The following CACNA1F variants were observed in gnomAD, a reference collection of about 807,000 sequenced individuals.
The protein encoded by CACNA1F is voltage-dependent L-type calcium channel subunit alpha-1F.
CACNA1F carries 59 observed loss-of-function variants against 143.8 expected under a neutral mutation model. The ratio of observed to expected loss-of-function variants is 0.41; its 90% confidence interval spans 0.33 to 0.51. The LOEUF (loss-of-function observed/expected upper bound fraction) is 0.51. Among genes scored for constraint, CACNA1F ranks in the 20% least tolerant of loss-of-function variants. CACNA1F has a pLI of 0.22. For synonymous variants in CACNA1F, 643 were observed against 649.1 expected, an observed-to-expected ratio of 0.99 and a Z score of 0.14; for missense variants, 1,411 against 1,647.5, an observed-to-expected ratio of 0.86 and a Z score of 2.48.
rs782734370 is a variant in CACNA1F, at chrX:49,219,380, G to A, written c.2614C>T (p.Leu872Phe). The stretch of plus-strand genomic sequence containing the variant: ...TCAGCGGCCAGGGACACACTGCTGA[G>A]GATGATGAACACCAGGATAAGATTG... ...FTNLILVFIILSSVSLAAEDP... is the reference protein window; with the variant it reads ...FTNLILVFIIFSSVSLAAEDP... Residue 872 changes from leucine (L) to phenylalanine (F), a missense_variant, in exon 21 of 48, where the codon CTC becomes TTC. By Grantham distance (22) the Leu-to-Phe change is conservative. Coordinates refer to ENST00000323022, the MANE Select transcript of CACNA1F (RefSeq NM_001256789.3). 4 of 1,208,767 alleles carry A rather than the reference G, an allele frequency of 3.3e-6. No homozygotes were observed. Among genetic ancestry groups the A allele is most frequent in the African/African-American group, 1.7e-5 (1 of 57,715 alleles).
At chrX:49,229,525 G>A (rs1557110821) in intron 6 of CACNA1F, among the ~76,000 whole-genome samples, 1 of 112,694 alleles carries the variant, frequency 8.9e-6, no homozygotes, top group African/African-American at 3.2e-5. Flanking sequence ...ATTTTGCACA[G>A]GCTGGTAGCA....
At chrX:49,221,123 G>A in intron 17 of CACNA1F, 43 bp from the exon 18 acceptor site, 1 of 1,092,938 alleles carries the variant, frequency 9.1e-7, no homozygotes, top group South Asian at 1.9e-5. Flanking sequence ...TGGGCTAAGG[G>A]AGATCACTAC....
chrX:49,215,682 C>A, intron 27 of CACNA1F, 139 bp from the exon 28 acceptor site: 1 of 456,670 alleles, frequency 2.2e-6, no homozygotes, highest in Non-Finnish European at 3.8e-6. Flanking sequence ...AATCTCCTGA[C>A]CTAACCACCT....
chrX:49,213,468 T>A (rs1243643757), intron 31 of CACNA1F, among the ~76,000 whole-genome samples: 1 of 111,523 alleles, frequency 9.0e-6, no homozygotes, highest in Non-Finnish European at 1.9e-5. Flanking sequence ...ATGAAGCCAA[T>A]GAAGTCATCA....
chrX:49,224,440 G>C (rs781807427), intron 14 of CACNA1F, among the ~76,000 whole-genome samples: 124 of 109,391 alleles, frequency 1.1e-3, no homozygotes, highest in Non-Finnish European at 2.1e-3. Flanking sequence ...GTGGTTGGGG[G>C]TTGGGATGGG....
Position 49,208,538 on chromosome X carries a change from G to C in CACNA1F, c.5100C>G (p.Pro1700=). The C allele has an allele frequency of 8.3e-7, 1 of 1,208,919 alleles. No homozygotes were observed. The highest frequency in any genetic ancestry group is 2.2e-5 in the Admixed American group (1 of 45,748). ...ACCTGTGGGTGTTGGATCCAGCCTG[G>C]GGCACACTGGGCTGACTGGAGGTGG... The part of the protein sequence containing the change: ...GTPTSSQPSV[P]QAGSNTHRRG... The change falls in exon 43 of 48, where the codon CCC becomes CCG. Residue 1700 remains proline (P), a synonymous_variant. Coordinates refer to ENST00000323022, the MANE Select transcript of CACNA1F (RefSeq NM_001256789.3).
chrX:49,205,616 A>C lies in CACNA1F; in HGVS notation c.5670T>G (p.Ala1890=). 1 of 1,200,544 alleles carries C rather than the reference A, an allele frequency of 8.3e-7. No homozygotes were observed. Among genetic ancestry groups the C allele is most frequent in the Non-Finnish European group, 1.1e-6 (1 of 889,001 alleles). Residue 1890 remains alanine, a splice_region_variant and synonymous_variant, in exon 47 of 48, where the codon GCT becomes GCG. Coordinates refer to ENST00000323022, the MANE Select transcript of CACNA1F (RefSeq NM_001256789.3). ...TTGTCTATATGCCCTCTGGACTCAC[A>C]GCCTCCACCAAGCTGTCGGCACTGC... ...KRGSADSLVE[A]VLISEGLGLF... is the part of the protein sequence containing the mutation.
intron 26 of CACNA1F, among the ~76,000 whole-genome samples, chrX:49,217,415 C>T (rs1557107682): frequency 8.9e-6 from 1 of 112,390 alleles, no homozygotes; most frequent in Non-Finnish European, 1.9e-5. Flanking sequence ...AGAAATGTAC[C>T]TAAGTCTCAT....
intron 6 of CACNA1F, among the ~76,000 whole-genome samples, chrX:49,229,318 G>A (rs1198289765): frequency 1.3e-4 from 14 of 110,058 alleles, no homozygotes; most frequent in Non-Finnish European, 2.3e-4. Context: ...CACCACGCCC[G>A]GCTCAACTTT....
In CACNA1F at chrX:49,212,661, G is replaced by A. The variant is rs369309743; in HGVS notation, c.3942+6C>T. On this transcript the variant is annotated splice_donor_region_variant and intron_variant, in intron 33 of 47. Coordinates refer to ENST00000323022, the MANE Select transcript of CACNA1F (RefSeq NM_001256789.3). ...GTATGGTCAAAGGGATGGGGTAGGG[G>A]ATTACCTGGAAGGACTTGATGAATG... 1 of 1,209,309 alleles carries A rather than the reference G, an allele frequency of 8.3e-7. No homozygotes were observed. Among genetic ancestry groups the A allele is most frequent in the Admixed American group, 2.2e-5 (1 of 45,921 alleles).
intron 31 of CACNA1F, 122 bp from the exon 32 acceptor site, chrX:49,213,116 G>A (rs1557106676): frequency 1.7e-6 from 1 of 586,408 alleles, no homozygotes; most frequent in African/African-American, 2.2e-5. Flanking sequence ...ATTACACAGG[G>A]GACAATGGGA....
chrX:49,208,216 A>G (rs1557105360), intron 43 of CACNA1F, among the ~76,000 whole-genome samples: 3 of 109,356 alleles, frequency 2.7e-5, no homozygotes, highest in Non-Finnish European at 5.7e-5. Context: ...AAAAAAAAAA[A>G]AAGTGATTAG....
intron 3 of CACNA1F, 94 bp from the exon 4 acceptor site, chrX:49,231,083 G>T: frequency 1.2e-6 from 1 of 827,520 alleles, no homozygotes; most frequent in Non-Finnish European, 1.8e-6. Context: ...AGGACCGAGG[G>T]TGGGGCTGAG....
chrX:49,231,849 A>G lies in CACNA1F; in HGVS notation c.104T>C (p.Val35Ala), dbSNP rs1178353713. 3.4e-6 allele frequency: 4 copies of G among 1,190,411 alleles called. No individual in the cohort carries two copies. In the African/African-American group the frequency reaches 7.0e-5, roughly 21 times the overall value. ...TGATGCCCCACTGCTTTCACCTTCC[A>G]CAGCTGGGGGCCCGGGGCACAGCCC... is the stretch of plus-strand genomic sequence containing the variant. ...EWGLCPGPPAVEGESSGASGL... is the reference protein window; with the variant it reads ...EWGLCPGPPAAEGESSGASGL... Residue 35 changes from valine to alanine, a missense_variant, in exon 2 of 48, where the codon GTG becomes GCG. Physicochemically the swap from Val to Ala is moderately conservative, Grantham distance 64 (BLOSUM62 0). Coordinates refer to ENST00000323022, the MANE Select transcript of CACNA1F (RefSeq NM_001256789.3).
At chrX:49,207,375 G>A (rs2065609208) in intron 43 of CACNA1F, among the ~76,000 whole-genome samples, 1 of 111,897 alleles carries the variant, frequency 8.9e-6, no homozygotes, top group Admixed American at 9.4e-5. Context: ...ACACAAAACT[G>A]GGCATGTATT....
intron 1 of CACNA1F, among the ~76,000 whole-genome samples, chrX:49,232,611 G>A (rs1258164742): frequency 3.6e-5 from 4 of 111,664 alleles, no homozygotes; most frequent in Non-Finnish European, 5.6e-5. Flanking sequence ...AAAATATAGC[G>A]GTGTTATGAG....
rs781891066 is a variant in CACNA1F, at chrX:49,231,120, G to A, written c.381+82C>T. 9.6e-5 allele frequency: 78 copies of A among 814,835 alleles called. No homozygotes were observed. In the East Asian group the frequency reaches 1.9e-3, roughly 20 times the overall value. 67.2% of individuals were successfully genotyped at this position (814,835 alleles called of 1,213,427 possible). On this transcript the variant is annotated intron_variant, in intron 3 of 47. Transcript: ENST00000323022. ...CAGGCAGGGCCATCCGGGTCAGAGA[G>A]GGGGCGGGGTCTGGCTGGAAGGAGT...
At position 49,226,703 on chromosome X, in the gene CACNA1F, C is replaced by A. The variant is rs1557110062; in HGVS notation, c.1277-1G>T. On this transcript the variant is annotated splice_acceptor_variant, in intron 9 of 47. Transcript: ENST00000323022. LOFTEE classifies it high-confidence loss of function. The stretch of plus-strand genomic sequence containing the variant: ...TTGGTCAGCTCGGCCAGCTGTGGCC[C>A]TGCAGGGAGAGAAAGGACAATTAGG... 1.7e-6 allele frequency: 2 copies of A among 1,172,490 alleles called. No individual in the cohort carries two copies. The highest frequency in any genetic ancestry group is 3.2e-5 in the East Asian group (1 of 31,336).
intron 46 of CACNA1F, 73 bp downstream of exon 46, chrX:49,206,438 G>A: frequency 5.8e-6 from 3 of 513,897 alleles, no homozygotes; most frequent in Non-Finnish European, 1.0e-5. Context: ...TATGTGCTGT[G>A]TTTGAGAAAT....
Sources: allele counts gnomAD v4.1 joint callset (sites outside exome capture counted in the v4.1 genomes callset), GRCh38; gene constraint gnomAD v4.1.1; transcripts MANE v1.5; gene names NCBI Gene and HGNC (gene_info 2026-07-23, HGNC 2026-07-21).